Variants in TTC7A observed in about 807,000 individuals in gnomAD.
TTC7A encodes tetratricopeptide repeat domain 7A, also known as tetratricopeptide repeat protein 7A.
In TTC7A, 110 loss-of-function variants were observed where a neutral mutation model predicts 103.7. The observed-to-expected ratio is 1.06, with a 90% CI of 0.91 to 1.24. TTC7A has a LOEUF of 1.24. Among genes scored for constraint, TTC7A ranks in the 50% most tolerant of loss-of-function variants. The probability of loss-of-function intolerance (pLI) is 0.00; values close to 1 mark genes in which losing one functional copy is unlikely to be tolerated. For missense variants in TTC7A, 1,340 were observed against 1,116.3 expected (o/e 1.20, Z -2.86); for synonymous variants, 521 against 467.9 (o/e 1.11, Z -1.47).
intron 18 of TTC7A, 123 bp from the exon 19 acceptor site, chr2:47,060,646 G>A (rs1283730397): frequency 2.3e-6 from 2 of 854,192 alleles, no homozygotes; most frequent in Admixed American, 2.6e-5. Flanking sequence ...CCCATGCTGT[G>A]ATTTGGTGGG....
At chr2:46,971,816 G>A (rs1673380334) in intron 3 of TTC7A, among the ~76,000 whole-genome samples, 1 of 152,064 alleles carries the variant, frequency 6.6e-6, no homozygotes, top group African/African-American at 2.4e-5. Context: ...TACCTAAAGT[G>A]TACTGTGTGG....
At chr2:47,005,898 T>C (rs750122238) in intron 8 of TTC7A, 24 bp from the exon 9 acceptor site, 1 of 1,613,666 alleles carries the variant, frequency 6.2e-7, no homozygotes, top group Non-Finnish European at 8.5e-7. Context: ...CCTCACTCTT[T>C]CCCAAACAAT....
At chr2:47,055,977 G>A (rs186864071) in intron 18 of TTC7A, among the ~76,000 whole-genome samples, 4 of 151,780 alleles carry the variant, frequency 2.6e-5, no homozygotes, top group Admixed American at 6.5e-5. Context: ...TTCTTCCCAC[G>A]TCCTCCTCTT....
chr2:46,936,859 A>AT (rs67502094), upstream of TTC7A, among the ~76,000 whole-genome samples: 6,503 of 142,896 alleles, frequency 0.046, 167 homozygotes, highest in Middle Eastern at 0.094. Flanking sequence ...AGGATTCCAA[A>AT]TTTTTTTTTT....
Position 47,073,710 on chromosome 2 carries a change from G to A in TTC7A, c.2364G>A (p.Met788Ile), listed in dbSNP as rs1268705929. ...CTGTGCTTCGTCCACAGGGTCTGAT[G>A]CTGAGTCGGCTGGGCCACAAGAGCT... ...GVRIMHSLGL[M>I]LSRLGHKSLA... is the part of the protein sequence containing the mutation. The change falls in exon 20 of 20, where the codon ATG becomes ATA. Residue 788 changes from methionine (M) to isoleucine (I), a missense_variant. Met to Ile is a conservative substitution (Grantham distance 10). Transcript: ENST00000319190. 1 of 1,613,704 alleles carries A rather than the reference G, an allele frequency of 6.2e-7. No individual in the cohort carries two copies. Among genetic ancestry groups the A allele is most frequent in the Non-Finnish European group, 8.5e-7 (1 of 1,180,014 alleles).
intron 2 of TTC7A, among the ~76,000 whole-genome samples, chr2:46,920,755 C>G (rs557970265): frequency 6.6e-6 from 1 of 151,986 alleles, no homozygotes; most frequent in South Asian, 2.1e-4. Context: ...ACACTTCCTT[C>G]AAAGGCATTT....
intron 18 of TTC7A, among the ~76,000 whole-genome samples, chr2:47,060,488 C>CA (rs1683678968): frequency 6.6e-6 from 1 of 152,120 alleles, no homozygotes; most frequent in Non-Finnish European, 1.5e-5. Flanking sequence ...AACAAACAAA[C>CA]AAAAAATGCT....
intron 2 of TTC7A, among the ~76,000 whole-genome samples, chr2:46,952,887 G>A (rs1460326246): frequency 2.6e-5 from 4 of 152,086 alleles, no homozygotes; most frequent in Non-Finnish European, 4.4e-5. Flanking sequence ...TATACACACA[G>A]ATATTTCTTT....
chr2:46,920,904 T>C (rs1669070252), intron 2 of TTC7A, among the ~76,000 whole-genome samples: 1 of 151,682 alleles, frequency 6.6e-6, no homozygotes, highest in African/African-American at 2.4e-5. Context: ...GAAATAAATA[T>C]ATGATCATAA....
intron 18 of TTC7A, among the ~76,000 whole-genome samples, chr2:47,059,591 G>C (rs1444935973): frequency 6.6e-6 from 1 of 152,070 alleles, no homozygotes; most frequent in Non-Finnish European, 1.5e-5. Flanking sequence ...GTCAGCCCCT[G>C]CCTGGGAGAC....
intron 18 of TTC7A, among the ~76,000 whole-genome samples, chr2:47,060,159 G>A (rs1004725323): frequency 3.9e-5 from 6 of 152,006 alleles, no homozygotes; most frequent in African/African-American, 1.4e-4. Context: ...GCTAAGGTGG[G>A]CAGATCACTT....
intron 2 of TTC7A, among the ~76,000 whole-genome samples, chr2:46,956,255 C>T (rs1671843053): frequency 6.6e-6 from 1 of 152,172 alleles, no homozygotes; most frequent in South Asian, 2.1e-4. Context: ...GCACTTTGAC[C>T]CATTTCTGAT....
At chr2:47,029,449 C>T (rs753375155) in intron 15 of TTC7A, 65 bp downstream of exon 15, 2 of 1,549,252 alleles carry the variant, frequency 1.3e-6, no homozygotes, top group Non-Finnish European at 1.8e-6. Context: ...GGCGCCCATG[C>T]ACACCTGCCC....
intron 15 of TTC7A, among the ~76,000 whole-genome samples, chr2:47,032,858 GCAAAAA>G (rs1558604910): frequency 1.3e-4 from 3 of 23,882 alleles, no homozygotes; most frequent in African/African-American, 4.7e-4. Flanking sequence ...GTTGTTTTAA[GCAAAAA>G]AAAAAAAAAA....
intron 10 of TTC7A, among the ~76,000 whole-genome samples, chr2:47,010,286 T>C (rs1274647855): frequency 6.6e-6 from 1 of 152,208 alleles, no homozygotes; most frequent in Non-Finnish European, 1.5e-5. Context: ...AAAACAGCCA[T>C]ATACAGTATG....
intron 5 of TTC7A, among the ~76,000 whole-genome samples, chr2:46,980,616 A>C (rs1376173756): frequency 1.3e-5 from 2 of 152,162 alleles, no homozygotes; most frequent in African/African-American, 4.8e-5. Flanking sequence ...TCCAACAATT[A>C]AATTCACCTC....
intron 18 of TTC7A, among the ~76,000 whole-genome samples, chr2:47,059,158 C>A (rs971393030): frequency 6.6e-6 from 1 of 151,608 alleles, no homozygotes; most frequent in Non-Finnish European, 1.5e-5. Context: ...GTACCTGGGA[C>A]CACAGGCACC....
At position 47,024,232 on chromosome 2, in the gene TTC7A, C is replaced by T; in HGVS notation, c.1569-55C>T. The T allele has an allele frequency of 2.0e-6, 3 of 1,495,438 alleles. No homozygotes were observed. In the South Asian group the frequency reaches 3.7e-5, roughly 19 times the overall value. 92.6% of individuals were successfully genotyped at this position (1,495,438 alleles called of 1,614,324 possible). On this transcript the variant is annotated intron_variant, in intron 13 of 19. Transcript: ENST00000319190. ...GCTGGCATGCTGGAGGCCCGAGTCA[C>T]ACGTTGGTCACTCAACCCCTGGTGC...
intron 19 of TTC7A, among the ~76,000 whole-genome samples, chr2:47,069,277 C>G (rs956288293): frequency 4.6e-5 from 7 of 152,290 alleles, no homozygotes; most frequent in Non-Finnish European, 7.3e-5. Flanking sequence ...CAGGATGTGA[C>G]CCATCGGGCC....
Sources: gnomAD v4.1 joint callset for allele counts (sites outside exome capture counted in the v4.1 genomes callset) on GRCh38, gnomAD v4.1.1 for gene constraint, MANE v1.5 for transcripts, NCBI Gene and HGNC (gene_info 2026-07-23, HGNC 2026-07-21) for gene names.